Variants in HSPG2 observed in about 807,000 individuals in gnomAD.
HSPG2 encodes the protein basement membrane-specific heparan sulfate proteoglycan core protein.
Under a neutral mutation model 526.6 loss-of-function variants are expected in HSPG2, and 278 were observed. The observed-to-expected ratio is 0.53, with a 90% confidence interval of 0.48 to 0.58. The LOEUF is 0.58. Among genes scored for constraint, HSPG2 ranks in the 20% least tolerant of loss-of-function variants. HSPG2 has a pLI of 0.00. For synonymous variants in HSPG2, 2,465 were observed against 2,555.4 expected (o/e 0.96, Z 1.07); for missense variants, 5,354 against 6,099.5 (o/e 0.88, Z 4.07).
chr1:21,934,190 C>G (rs962223306), intron 1 of HSPG2, among the ~76,000 whole-genome samples: 16 of 152,358 alleles, frequency 1.1e-4, no homozygotes, highest in Non-Finnish European at 2.1e-4. Context: ...CCCGGGGAAG[C>G]CTGGAGCTCC....
intron 21 of HSPG2, among the ~76,000 whole-genome samples, chr1:21,877,200 C>T (rs1246356362): frequency 6.6e-6 from 1 of 152,132 alleles, no homozygotes; most frequent in Non-Finnish European, 1.5e-5. Flanking sequence ...GGGGGTTCAC[C>T]AATAAATTTA....
chr1:21,937,259 G>T lies in HSPG2; in HGVS notation c.-42C>A. ...CTCTCTCGCTCGCTCGCTCCGCGCC[G>T]CCCGCTCCGCGCCGCCCGCAGCCGC... On this transcript the variant is annotated 5_prime_UTR_variant, in exon 1 of 97. Coordinates refer to ENST00000374695, the MANE Select transcript of HSPG2 (RefSeq NM_005529.7). 4.0e-6 allele frequency: 3 copies of T among 759,312 alleles called. No homozygotes were observed. The highest frequency in any genetic ancestry group is 4.7e-6 in the Non-Finnish European group (3 of 635,804). 47.0% of individuals were successfully genotyped at this position (759,312 alleles called of 1,614,324 possible).
In HSPG2 at chr1:21,862,095, T is replaced by C; in HGVS notation, c.4761A>G (p.Ala1587=). 6.2e-7 allele frequency: 1 copy of C among 1,613,370 alleles called. No individual in the cohort carries two copies. Among genetic ancestry groups the C allele is most frequent in the Non-Finnish European group, 8.5e-7 (1 of 1,180,028 alleles). The change falls in exon 38 of 97, where the codon GCA becomes GCG. Residue 1587 remains alanine, a synonymous_variant. Coordinates refer to ENST00000374695, the MANE Select transcript of HSPG2 (RefSeq NM_005529.7). ...GGGCACAAAGCTCGCAGAACTCCCCTGCGGCGTTGTGCTGGCATTGCTGCA... is the reference window on the plus strand; with the variant it reads ...GGGCACAAAGCTCGCAGAACTCCCCCGCGGCGTTGTGCTGGCATTGCTGCA... ...GACSQCQHNA[A]GEFCELCAPG...
intron 1 of HSPG2, among the ~76,000 whole-genome samples, chr1:21,901,087 T>C (rs1643075906): frequency 6.6e-6 from 1 of 152,166 alleles, no homozygotes. Flanking sequence ...CTATGTCACC[T>C]TCTCAAACTT....
chr1:21,854,353 G>A lies in HSPG2; in HGVS notation c.6289-10C>T. 1 of 1,562,580 alleles carries A rather than the reference G, an allele frequency of 6.4e-7. No individual in the cohort carries two copies. Among genetic ancestry groups the A allele is most frequent in the Non-Finnish European group, 8.7e-7 (1 of 1,153,116 alleles). The stretch of plus-strand genomic sequence containing the variant: ...GACGGGAGCCGTGCACCTGGGCCAG[G>A]AGGAGCCAGAGGTACGTGAGGACAG... On this transcript the variant is annotated splice_polypyrimidine_tract_variant and intron_variant, in intron 49 of 96. Transcript: ENST00000374695.
At position 21,859,716 on chromosome 1, in the gene HSPG2, C is replaced by T; in HGVS notation, c.5183-40G>A. 1 of 1,584,314 alleles carries T rather than the reference C, an allele frequency of 6.3e-7. No individual in the cohort carries two copies. The highest frequency in any genetic ancestry group is 8.6e-7 in the Non-Finnish European group (1 of 1,163,456). ...ACAAGAGCTTGTTGGTGCAGATACA[C>T]TCTTTCTCACATCCAGCCCCATGCA... On this transcript the variant is annotated intron_variant, in intron 41 of 96. Transcript: ENST00000374695. This position sits in a 1 kb window ranked among gnomAD's most constrained non-coding sequence, Gnocchi z 5.3.
intron 1 of HSPG2, among the ~76,000 whole-genome samples, chr1:21,918,013 G>A (rs1426646913): frequency 6.6e-6 from 1 of 151,964 alleles, no homozygotes; most frequent in African/African-American, 2.4e-5. Context: ...CAGCAGCTAG[G>A]GGATAATAAA....
rs147177951 is a variant in HSPG2, at chr1:21,838,831, C to G, written c.10144G>C (p.Val3382Leu). Residue 3382 changes from valine to leucine, a missense_variant, in exon 74 of 97, where the codon GTC becomes CTC. By Grantham distance (32) the Val-to-Leu change is conservative. Transcript: ENST00000374695. ...GSAEAFAQLL[V>L]QGPPGSLPAT... ...CAGAGCCGGGGCTGCTTACCTTGGA[C>G]GAGCAGCTGGGCAAAGGCCTCGGCT... The G allele has an allele frequency of 1.2e-6, 2 of 1,611,966 alleles. No homozygotes were observed. Among genetic ancestry groups the G allele is most frequent in the African/African-American group, 2.7e-5 (2 of 74,928 alleles).
At chr1:21,894,804 C>T (rs542984301) in intron 3 of HSPG2, among the ~76,000 whole-genome samples, 4 of 152,186 alleles carry the variant, frequency 2.6e-5, no homozygotes, top group African/African-American at 4.8e-5. Context: ...CAGGACGGGA[C>T]GTGCCATGTG....
chr1:21,855,818 T>C lies in HSPG2; in HGVS notation c.5670A>G (p.Thr1890=). Residue 1890 remains threonine (T), a synonymous_variant, in exon 45 of 97, where the codon ACA becomes ACG. Coordinates refer to ENST00000374695, the MANE Select transcript of HSPG2 (RefSeq NM_005529.7). ...GQLAEFRCSA[T]GSPTPTLEWT... ...ACTCGAGGGTGGGCGTGGGGCTCCC[T>C]GTGGCGCTGCAGCGGAACTCCGCCA... is the stretch of plus-strand genomic sequence containing the variant. 4 of 1,613,270 alleles carry C rather than the reference T, an allele frequency of 2.5e-6. No homozygotes were observed. Among genetic ancestry groups the C allele is most frequent in the African/African-American group, 2.7e-5 (2 of 75,060 alleles).
intron 1 of HSPG2, among the ~76,000 whole-genome samples, chr1:21,917,081 G>A (rs1164126604): frequency 6.6e-6 from 1 of 152,160 alleles, no homozygotes. Context: ...GTTATCACAC[G>A]CTGACCAGAA....
chr1:21,829,169 G>A, intron 87 of HSPG2, 90 bp from the exon 88 acceptor site: 1 of 1,483,218 alleles, frequency 6.7e-7, no homozygotes, highest in Middle Eastern at 2.4e-4. Context: ...AGCAGATGGG[G>A]AATGCCCTAC....
At chr1:21,891,424 C>T (rs182587313) in intron 3 of HSPG2, among the ~76,000 whole-genome samples, 130 of 152,294 alleles carry the variant, frequency 8.5e-4, no homozygotes, top group Non-Finnish European at 1.1e-3. Flanking sequence ...CACAGCAAAC[C>T]GCCCAAGAAT....
Position 21,842,776 on chromosome 1 carries a change from CCGGGCGGGGAGG to C in HSPG2, c.8892_8903del (p.Ser2964_Ala2967del). 6.2e-7 allele frequency: 1 copy of C among 1,613,160 alleles called. No homozygotes were observed. The highest frequency in any genetic ancestry group is 8.5e-7 in the Non-Finnish European group (1 of 1,180,018). ...CCCATCCTGGCCCCTGTACCTGGTG[CCGGGCGGGGAGG>C]CTGCCCCCGCGCTTGTACCACGTGA... On this transcript the variant is annotated inframe_deletion, in exon 67 of 97. Transcript: ENST00000374695.
chr1:21,935,666 C>T (rs72871798), intron 1 of HSPG2, among the ~76,000 whole-genome samples: 12,234 of 152,296 alleles, frequency 0.08, 1,221 homozygotes, highest in African/African-American at 0.22. Context: ...CTACCGCACC[C>T]GGGCATGGAG....
At chr1:21,925,680 C>G (rs746810713) in intron 1 of HSPG2, among the ~76,000 whole-genome samples, 8 of 152,102 alleles carry the variant, frequency 5.3e-5, no homozygotes, top group Non-Finnish European at 1.0e-4. Flanking sequence ...ATGCAGCCTC[C>G]TATAACCCTC....
rs145185113 is a variant in HSPG2, at chr1:21,872,329, T to C, written c.4078A>G (p.Asn1360Asp). 1.6e-4 allele frequency: 260 copies of C among 1,581,250 alleles called. No individual in the cohort carries two copies. The highest frequency in any genetic ancestry group is 5.0e-4 in the Middle Eastern group (3 of 6,052). ...GTCAGGCGGCTGTTTCGCTGTGGGT[T>C]CACCAGGGCAAAGCCTTGGAAGTCC... ...PGDFQGFALV[N>D]PQRNSRLTGE... is the part of the protein sequence containing the mutation. The change falls in exon 33 of 97, where the codon AAC (asparagine) becomes GAC (aspartate). Residue 1360 changes from asparagine to aspartate, a missense_variant. Coordinates refer to ENST00000374695, the MANE Select transcript of HSPG2 (RefSeq NM_005529.7). The surrounding 1 kb of genome is among the most constrained non-coding windows in gnomAD (Gnocchi z 5.5).
At chr1:21,889,715 A>T (rs1642209816) in intron 6 of HSPG2, 1 of 520,550 alleles carries the variant, frequency 1.9e-6, no homozygotes, top group African/African-American at 2.0e-5. Context: ...GAAGTACAGG[A>T]TAAATAAAGG....
At chr1:21,929,582 G>T (rs1359071720) in intron 1 of HSPG2, among the ~76,000 whole-genome samples, 6 of 125,196 alleles carry the variant, frequency 4.8e-5, no homozygotes, top group Admixed American at 2.4e-4. Flanking sequence ...CCACCTGCCG[G>T]TTTTTTTTTT....
Sources: gnomAD v4.1 joint callset for allele counts (sites outside exome capture counted in the v4.1 genomes callset) on GRCh38, gnomAD v4.1.1 for gene constraint, Gnocchi (gnomAD v3.1) non-coding constraint, MANE v1.5 for transcripts, NCBI Gene and HGNC (gene_info 2026-07-23, HGNC 2026-07-21) for gene names.